Variants in PDE4D observed in about 807,000 individuals in gnomAD.
PDE4D encodes 3',5'-cyclic-AMP phosphodiesterase 4D.
PDE4D carries 24 observed loss-of-function variants against 87.4 expected under a neutral mutation model. That is an observed-to-expected ratio of 0.27 (90% confidence interval 0.20 to 0.39). PDE4D has a LOEUF of 0.39. Among genes scored for constraint, PDE4D ranks in the 10% least tolerant of loss-of-function variants. PDE4D has a pLI of 1.00. For synonymous variants in PDE4D, 384 were observed against 383.2 expected (o/e 1.00, Z -0.02); for missense variants, 714 against 1,041.0 (o/e 0.69, Z 4.32).
At chr5:59,340,821 G>A (rs746356908) in intron 1 of PDE4D, among the ~76,000 whole-genome samples, 4 of 152,006 alleles carry the variant, frequency 2.6e-5, no homozygotes, top group Non-Finnish European at 4.4e-5. Context: ...TTAATATAAT[G>A]ACCTCCAGTT....
At chr5:59,301,760 A>G (rs925374964) in intron 1 of PDE4D, among the ~76,000 whole-genome samples, 3 of 152,102 alleles carry the variant, frequency 2.0e-5, no homozygotes, top group African/African-American at 4.8e-5. Context: ...ATAGGCAGAT[A>G]TGAGCAGGGT....
intron 1 of PDE4D, among the ~76,000 whole-genome samples, chr5:59,862,401 C>T (rs148304419): frequency 0.013 from 1,967 of 152,130 alleles, 27 homozygotes; most frequent in Admixed American, 0.021. Context: ...CTCAGCTTAC[C>T]CTGACCTCTA....
At position 60,182,187 on chromosome 5, in the gene PDE4D, T is replaced by G. The variant is rs533745327; in HGVS notation, c.42+3370A>C. Among the ~76,000 whole-genome samples, 6 of 152,312 alleles carry G rather than the reference T, an allele frequency of 3.9e-5. No homozygotes were observed. The South Asian group carries it at 1.2e-3, about 32-fold the overall frequency. On this transcript the variant is annotated intron_variant, in intron 2 of 16. Transcript: ENST00000502484. ...GAAGAAAGGGGAAAATCATTTTCAG[T>G]AAAATTAAAATTAGCTTCTAGGTCT...
chr5:60,020,755 G>T (rs1211291246), intron 2 of PDE4D, among the ~76,000 whole-genome samples: 1 of 152,112 alleles, frequency 6.6e-6, no homozygotes, highest in Non-Finnish European at 1.5e-5. Flanking sequence ...GAATCACCAA[G>T]CCAATACCTG....
At chr5:60,312,505 A>C (rs964919811) in intron 1 of PDE4D, among the ~76,000 whole-genome samples, 6 of 152,354 alleles carry the variant, frequency 3.9e-5, no homozygotes, top group African/African-American at 1.4e-4. Context: ...ACTTACAATC[A>C]TGGCAGAAAG....
chr5:59,600,749 T>A (rs1021525275), intron 1 of PDE4D, among the ~76,000 whole-genome samples: 2 of 152,098 alleles, frequency 1.3e-5, no homozygotes, highest in Non-Finnish European at 2.9e-5. Flanking sequence ...CAAAATAAGA[T>A]CTTTAAGTTA....
chr5:60,370,033 G>A (rs928208894), intron 1 of PDE4D, among the ~76,000 whole-genome samples: 13 of 152,070 alleles, frequency 8.5e-5, no homozygotes, highest in Admixed American at 5.9e-4. Flanking sequence ...TAGTGCCTCT[G>A]TAAAGTCCTA....
intron 1 of PDE4D, among the ~76,000 whole-genome samples, chr5:59,481,794 T>A (rs368995024): frequency 1.3e-5 from 2 of 151,950 alleles, no homozygotes; most frequent in African/African-American, 2.4e-5. Context: ...ATTTCCCCTA[T>A]AAAATTTTTC....
intron 4 of PDE4D, among the ~76,000 whole-genome samples, chr5:59,184,158 G>A (rs527952188): frequency 6.6e-6 from 1 of 152,300 alleles, no homozygotes; most frequent in South Asian, 2.1e-4. Flanking sequence ...AAGAAGATGA[G>A]AAGTATTCAG....
chr5:59,829,667 T>C (rs1423559226), intron 1 of PDE4D, among the ~76,000 whole-genome samples: 2 of 152,238 alleles, frequency 1.3e-5, no homozygotes, highest in African/African-American at 4.8e-5. Context: ...ACAAACATTT[T>C]GTCAGTGCCT....
At chr5:59,184,682 T>C (rs1742483570) in intron 4 of PDE4D, among the ~76,000 whole-genome samples, 1 of 152,160 alleles carries the variant, frequency 6.6e-6, no homozygotes, top group Admixed American at 6.6e-5. Flanking sequence ...TCCTTTCCCA[T>C]CTTTCAAATG....
chr5:59,591,226 A>T (rs1825872858), intron 1 of PDE4D, among the ~76,000 whole-genome samples: 1 of 152,232 alleles, frequency 6.6e-6, no homozygotes, highest in Non-Finnish European at 1.5e-5. Flanking sequence ...ACAAATTCTT[A>T]TCTCTGTAAT....
At chr5:59,430,301 T>C in intron 1 of PDE4D, 1 of 1,231,318 alleles carries the variant, frequency 8.1e-7, no homozygotes, top group South Asian at 4.1e-5. Flanking sequence ...TACCGTCTCC[T>C]CTGTGGCTTA....
chr5:59,389,526 G>GAA (rs1787810323), intron 1 of PDE4D, among the ~76,000 whole-genome samples: 1 of 152,064 alleles, frequency 6.6e-6, no homozygotes, highest in African/African-American at 2.4e-5. Context: ...AGCCATAATA[G>GAA]AAAACAGTAT....
At chr5:60,331,307 C>T (rs1757287266) in intron 1 of PDE4D, among the ~76,000 whole-genome samples, 1 of 152,110 alleles carries the variant, frequency 6.6e-6, no homozygotes, top group Non-Finnish European at 1.5e-5. Context: ...AGAACACTAC[C>T]CTGAAGTGTT....
At chr5:60,164,535 G>GT (rs1432178241) in intron 2 of PDE4D, among the ~76,000 whole-genome samples, 1 of 152,118 alleles carries the variant, frequency 6.6e-6, no homozygotes, top group Non-Finnish European at 1.5e-5. Context: ...GAGGATACCA[G>GT]TTTAGAAAAA....
chr5:59,597,141 C>T (rs1826809179), intron 1 of PDE4D, among the ~76,000 whole-genome samples: 1 of 152,120 alleles, frequency 6.6e-6, no homozygotes, highest in South Asian at 2.1e-4. Flanking sequence ...TCTGAGTCAG[C>T]TTCTTTTTTT....
intron 2 of PDE4D, among the ~76,000 whole-genome samples, chr5:60,045,963 C>G (rs558949119): frequency 6.6e-6 from 1 of 152,200 alleles, no homozygotes; most frequent in African/African-American, 2.4e-5. Context: ...GGCAGTATGG[C>G]CATTTTCACG....
chr5:59,311,634 C>T (rs920523310), intron 1 of PDE4D, among the ~76,000 whole-genome samples: 7 of 151,974 alleles, frequency 4.6e-5, no homozygotes, highest in Non-Finnish European at 1.0e-4. Context: ...GGACTGACCC[C>T]TTGGATGCAT....
Sources: allele counts gnomAD v4.1 joint callset (sites outside exome capture counted in the v4.1 genomes callset), GRCh38; gene constraint gnomAD v4.1.1; transcripts MANE v1.5; gene names NCBI Gene and HGNC (gene_info 2026-07-23, HGNC 2026-07-21).